The following ZFAT variants were observed in gnomAD, a reference collection of about 807,000 sequenced individuals.
The protein encoded by ZFAT is zinc finger protein ZFAT.
A neutral mutation model predicts 117.7 loss-of-function variants in ZFAT; 64 were observed. The ratio of observed to expected loss-of-function variants is 0.54; its 90% CI spans 0.44 to 0.67. The LOEUF is 0.67. ZFAT is among the 30% of genes least tolerant of loss of function. The probability of loss-of-function intolerance (pLI) is 0.00; values close to 1 mark genes in which losing one functional copy is unlikely to be tolerated. For synonymous variants in ZFAT, 679 were observed against 615.0 expected, an observed-to-expected ratio of 1.10 and a Z score of -1.54; for missense variants, 1,433 against 1,584.5, an observed-to-expected ratio of 0.90 and a Z score of 1.62.
intron 1 of ZFAT, among the ~76,000 whole-genome samples, chr8:134,663,412 C>G (rs1832040339): frequency 6.6e-6 from 1 of 152,146 alleles, no homozygotes. Context: ...GGAAGGAGAG[C>G]TGGCCAGGAT....
At chr8:134,600,262 T>C (rs1330490522) in intron 7 of ZFAT, 174 bp downstream of exon 7, 1 of 688,770 alleles carries the variant, frequency 1.5e-6, no homozygotes, top group South Asian at 1.7e-5. Flanking sequence ...TTAGAGACTC[T>C]TGCTGTGAAA....
intron 7 of ZFAT, among the ~76,000 whole-genome samples, chr8:134,596,759 G>T (rs939331096): frequency 1.3e-5 from 2 of 152,106 alleles, no homozygotes; most frequent in African/African-American, 4.8e-5. Context: ...AGTCACAAAA[G>T]ACTGTATTGA....
chr8:134,788,731 T>G, the ZFAT span, among the ~76,000 whole-genome samples: 15 of 152,286 alleles, frequency 9.8e-5, no homozygotes, highest in Admixed American at 1.3e-4. Context: ...TCATTCGTGC[T>G]TTATGTATTT....
At chr8:134,800,982 C>T in the ZFAT span, among the ~76,000 whole-genome samples, 12 of 152,138 alleles carry the variant, frequency 7.9e-5, no homozygotes, top group African/African-American at 2.9e-4. Flanking sequence ...TGTTCCATAT[C>T]TAAATGTAGC....
intron 1 of ZFAT, chr8:134,696,601 C>A: frequency 1.0e-6 from 1 of 986,184 alleles, no homozygotes; most frequent in Non-Finnish European, 1.2e-6. Context: ...CTGGCACCAC[C>A]CACCCGCGCT....
intron 3 of ZFAT, among the ~76,000 whole-genome samples, chr8:134,631,541 T>G (rs924419502): frequency 6.6e-6 from 1 of 151,734 alleles, no homozygotes; most frequent in African/African-American, 2.4e-5. Context: ...AAAAGGGGAG[T>G]TCTTTAAGCC....
chr8:134,735,221 T>G, the ZFAT span, among the ~76,000 whole-genome samples: 1 of 152,130 alleles, frequency 6.6e-6, no homozygotes, highest in Non-Finnish European at 1.5e-5. Flanking sequence ...ATAGAAAATT[T>G]TGTTGATCTG....
At chr8:134,742,197 G>C in the ZFAT span, among the ~76,000 whole-genome samples, 1 of 151,340 alleles carries the variant, frequency 6.6e-6, no homozygotes, top group Admixed American at 6.6e-5. Flanking sequence ...TAAGTTCTGG[G>C]ATACATGTGC....
chr8:134,639,418 C>T lies in ZFAT; in HGVS notation c.197-1706G>A, dbSNP rs142396891. On this transcript the variant is annotated intron_variant, in intron 2 of 15. Transcript: ENST00000377838. The stretch of plus-strand genomic sequence containing the variant: ...CAGAGTCCTGCACTAAGGCAACCAG[C>T]GAGATTCCTGCCTTCACTCTATCTC... 2.8e-3 allele frequency among the ~76,000 whole-genome samples: 429 copies of T among 152,276 alleles called. 2 individuals carry two copies. The highest frequency in any genetic ancestry group is 9.8e-3 in the African/African-American group (406 of 41,542).
chr8:134,744,932 T>C, the ZFAT span, among the ~76,000 whole-genome samples: 4 of 151,878 alleles, frequency 2.6e-5, no homozygotes, highest in Non-Finnish European at 4.4e-5. Flanking sequence ...GGTTTCACCA[T>C]GTTAGCCAGG....
the ZFAT span, among the ~76,000 whole-genome samples, chr8:134,812,940 G>A: frequency 6.6e-6 from 1 of 152,202 alleles, no homozygotes; most frequent in Admixed American, 6.5e-5. Flanking sequence ...TGTACCCAGA[G>A]TCACAAGAGC....
At chr8:134,694,696 T>C (rs886875998) in intron 1 of ZFAT, among the ~76,000 whole-genome samples, 9 of 152,136 alleles carry the variant, frequency 5.9e-5, no homozygotes, top group African/African-American at 2.2e-4. Context: ...TCCAGATCCA[T>C]GGTCTTTTAC....
chr8:134,521,407 T>C (rs550228028), intron 12 of ZFAT, among the ~76,000 whole-genome samples: 232 of 152,328 alleles, frequency 1.5e-3, no homozygotes, highest in African/African-American at 5.3e-3. Context: ...CTTTTCTTAA[T>C]CTCCTTTGTC....
chr8:134,628,094 G>A (rs1829641272), intron 3 of ZFAT, among the ~76,000 whole-genome samples: 1 of 152,190 alleles, frequency 6.6e-6, no homozygotes, highest in African/African-American at 2.4e-5. Context: ...AAATAAAGCT[G>A]TGACTTGAAG....
intron 2 of ZFAT, among the ~76,000 whole-genome samples, chr8:134,649,203 C>CACACACACG (rs35498428): frequency 3.5e-5 from 5 of 143,778 alleles, no homozygotes; most frequent in African/African-American, 1.1e-4. Context: ...ACACACACAC[C>CACACACACG]CCATCATACT....
the ZFAT span, chr8:134,795,458 CAAGTAT>C: frequency 4.4e-5 from 6 of 135,802 alleles, no homozygotes; most frequent in Non-Finnish European, 6.4e-5. Flanking sequence ...AAAAAGTTAA[CAAGTAT>C]AACAGTTATT....
intron 15 of ZFAT, among the ~76,000 whole-genome samples, chr8:134,485,172 T>A (rs1286670957): frequency 6.6e-6 from 1 of 152,158 alleles, no homozygotes; most frequent in Non-Finnish European, 1.5e-5. Context: ...GATGACAAGC[T>A]GCCCTGGGGG....
At chr8:134,789,521 A>G in the ZFAT span, among the ~76,000 whole-genome samples, 1 of 152,138 alleles carries the variant, frequency 6.6e-6, no homozygotes, top group South Asian at 2.1e-4. Context: ...CAAAAGTCTT[A>G]ATTTTGCCAT....
the ZFAT span, among the ~76,000 whole-genome samples, chr8:134,744,235 C>A: frequency 2.0e-5 from 3 of 151,538 alleles, no homozygotes; most frequent in African/African-American, 7.3e-5. Flanking sequence ...AGGCCCCCAT[C>A]TTTTTGCAGG....
Sources: allele counts gnomAD v4.1 joint callset (sites outside exome capture counted in the v4.1 genomes callset), GRCh38; gene constraint gnomAD v4.1.1; transcripts MANE v1.5; gene names NCBI Gene and HGNC (gene_info 2026-07-23, HGNC 2026-07-21).